Variants in MIS18BP1 observed in about 807,000 individuals in gnomAD.
MIS18BP1 encodes mis18-binding protein 1.
A neutral mutation model predicts 116.1 loss-of-function variants in MIS18BP1; 72 were observed. The observed-to-expected ratio is 0.62, with a 90% CI of 0.51 to 0.75. MIS18BP1 has a LOEUF of 0.75. Ranked by LOEUF, MIS18BP1 falls within the 30% of genes least tolerant of loss-of-function variation. The pLI is 0.00. For missense variants in MIS18BP1, 1,363 were observed against 1,303.2 expected, an observed-to-expected ratio of 1.05 and a Z score of -0.71; for synonymous variants, 386 against 427.0, an observed-to-expected ratio of 0.90 and a Z score of 1.18.
rs1306611632 is a variant in MIS18BP1, at chr14:45,235,952, A to G, written c.1218-8T>C. The stretch of plus-strand genomic sequence containing the variant: ...TATATGTTAGTGACGTCTCTAGGAA[A>G]AAAAAATAGTTTTGGTAAGGTCAAA... On this transcript the variant is annotated splice_polypyrimidine_tract_variant and splice_region_variant and intron_variant, in intron 5 of 16. Transcript: ENST00000310806. The G allele has an allele frequency of 6.3e-7, 1 of 1,592,172 alleles. No individual in the cohort carries two copies. Among genetic ancestry groups the G allele is most frequent in the African/African-American group, 1.4e-5 (1 of 73,548 alleles).
intron 14 of MIS18BP1, among the ~76,000 whole-genome samples, chr14:45,208,333 T>C (rs947014828): frequency 6.7e-6 from 1 of 148,250 alleles, no homozygotes; most frequent in East Asian, 1.9e-4. Flanking sequence ...TGAAGTTGTT[T>C]TTTTTTTTTT....
chr14:45,232,784 C>A lies in MIS18BP1; in HGVS notation c.1385G>T (p.Gly462Val). ...GTGCTCTTTCCAATTTTCTGGAAATCCAAACATAAATTTCCTTATGAGATA... is the reference window on the plus strand; with the variant it reads ...GTGCTCTTTCCAATTTTCTGGAAATACAAACATAAATTTCCTTATGAGATA... ...PNYLIRKFMFGFPENWKEHID... is the reference protein window; with the variant it reads ...PNYLIRKFMFVFPENWKEHID... Residue 462 changes from glycine (G) to valine (V), a missense_variant, in exon 7 of 17, where the codon GGA (glycine) becomes GTA (valine). Gly to Val is a moderately radical substitution (Grantham distance 109, BLOSUM62 -3). Transcript: ENST00000310806. The A allele has an allele frequency of 6.8e-7, 1 of 1,475,994 alleles. No individual in the cohort carries two copies. The highest frequency in any genetic ancestry group is 2.1e-5 in the Admixed American group (1 of 48,512). The allele number at this position is 1,475,994 out of a possible 1,614,324, so 91.4% of individuals were successfully genotyped here.
chr14:45,205,514 A>T (rs1292203477), intron 15 of MIS18BP1, among the ~76,000 whole-genome samples: 1 of 152,182 alleles, frequency 6.6e-6, no homozygotes, highest in South Asian at 2.1e-4. Flanking sequence ...ATTCAAGGGG[A>T]TAAAGGACTG....
chr14:45,215,155 G>A (rs553310223), intron 13 of MIS18BP1, among the ~76,000 whole-genome samples: 5 of 152,288 alleles, frequency 3.3e-5, no homozygotes, highest in African/African-American at 1.2e-4. Flanking sequence ...GGACCATAGC[G>A]TTTTGAAGAA....
chr14:45,211,043 T>C (rs1890660805), intron 13 of MIS18BP1, among the ~76,000 whole-genome samples: 1 of 152,210 alleles, frequency 6.6e-6, no homozygotes, highest in South Asian at 2.1e-4. Context: ...TTAAAACTTT[T>C]TTCTTTCTTT....
chr14:45,206,109 C>CAAT lies in MIS18BP1; in HGVS notation c.3211_3213dup (p.Ile1071dup). On this transcript the variant is annotated inframe_insertion, in exon 15 of 17. Coordinates refer to ENST00000310806, the MANE Select transcript of MIS18BP1 (RefSeq NM_018353.5). Reference sequence around the variant, plus strand: ...AATTTTTTCTTGATGTTGCCCCAGACAATACCACCATTACTTTTATGATAT... The same window carrying CAAT: ...AATTTTTTCTTGATGTTGCCCCAGACAATAATACCACCATTACTTTTATGATAT... The CAAT allele has an allele frequency of 4.4e-6, 7 of 1,608,256 alleles. No homozygotes were observed. Among genetic ancestry groups the CAAT allele is most frequent in the Non-Finnish European group, 6.0e-6 (7 of 1,175,430 alleles).
intron 1 of MIS18BP1, among the ~76,000 whole-genome samples, chr14:45,247,838 T>G (rs3916169): frequency 0.082 from 12,498 of 152,256 alleles, 675 homozygotes; most frequent in South Asian, 0.16. Flanking sequence ...ACAAGATCTA[T>G]TCTAATAAAA....
intron 6 of MIS18BP1, among the ~76,000 whole-genome samples, 180 bp from the exon 7 acceptor site, chr14:45,233,000 A>G (rs746314825): frequency 2.0e-5 from 3 of 152,210 alleles, no homozygotes; most frequent in Non-Finnish European, 4.4e-5. Context: ...TCCTCATGGA[A>G]CTTGGCTTCT....
At chr14:45,231,933 GA>G (rs551052570) in intron 7 of MIS18BP1, among the ~76,000 whole-genome samples, 13 of 149,172 alleles carry the variant, frequency 8.7e-5, no homozygotes, top group African/African-American at 2.5e-4. Context: ...GAAAATGAAT[GA>G]AAAAAAAAGG....
At chr14:45,238,833 A>G (rs1891496964) in intron 4 of MIS18BP1, among the ~76,000 whole-genome samples, 1 of 152,156 alleles carries the variant, frequency 6.6e-6, no homozygotes, top group Non-Finnish European at 1.5e-5. Context: ...ATAAAAAATT[A>G]TAAGTAGGAT....
chr14:45,223,459 C>T (rs1891028427), intron 11 of MIS18BP1, among the ~76,000 whole-genome samples: 1 of 152,292 alleles, frequency 6.6e-6, no homozygotes, highest in Non-Finnish European at 1.5e-5. Context: ...CGCCTGTAGT[C>T]CCAGCTACTC....
intron 8 of MIS18BP1, among the ~76,000 whole-genome samples, chr14:45,228,766 T>G (rs1330724005): frequency 6.6e-6 from 1 of 152,230 alleles, no homozygotes; most frequent in Non-Finnish European, 1.5e-5. Flanking sequence ...AGGTCATTTA[T>G]CATATACTCT....
Position 45,218,384 on chromosome 14 carries a change from A to G in MIS18BP1, c.2740T>C (p.Ser914Pro). The G allele has an allele frequency of 6.2e-7, 1 of 1,613,954 alleles. No individual in the cohort carries two copies. The highest frequency in any genetic ancestry group is 8.5e-7 in the Non-Finnish European group (1 of 1,179,970). Reference sequence around the variant, plus strand: ...TATTTCCTCTGGCATTCTTCAGGAGATCGAGAACCTACAGCCGCAGCTACC... The same window carrying G: ...TATTTCCTCTGGCATTCTTCAGGAGGTCGAGAACCTACAGCCGCAGCTACC... Reference protein sequence around the residue: ...SEVAAAVGSRSPEECQRKYME... With the variant: ...SEVAAAVGSRPPEECQRKYME... Residue 914 changes from serine to proline, a missense_variant, in exon 12 of 17, where the codon TCT becomes CCT. By Grantham distance (74) the Ser-to-Pro change is moderately conservative. Coordinates refer to ENST00000310806, the MANE Select transcript of MIS18BP1 (RefSeq NM_018353.5).
At chr14:45,227,005 G>A (rs371579348) in intron 9 of MIS18BP1, among the ~76,000 whole-genome samples, 169 bp from the exon 10 acceptor site, 1 of 152,110 alleles carries the variant, frequency 6.6e-6, no homozygotes, top group African/African-American at 2.4e-5. Context: ...TGAGCACTAC[G>A]AGCAACATCT....
At chr14:45,237,018 T>C (rs1266252741) in intron 5 of MIS18BP1, among the ~76,000 whole-genome samples, 1 of 151,614 alleles carries the variant, frequency 6.6e-6, no homozygotes, top group Non-Finnish European at 1.5e-5. Context: ...ATAACTTTTT[T>C]TTTTTTTTTT....
In MIS18BP1 at chr14:45,247,167, A is replaced by ATT; in HGVS notation, c.119_120insAA (p.Pro41IlefsTer3). 6.2e-7 allele frequency: 1 copy of ATT among 1,613,054 alleles called. No individual in the cohort carries two copies. Among genetic ancestry groups the ATT allele is most frequent in the Non-Finnish European group, 8.5e-7 (1 of 1,179,966 alleles). On this transcript the variant is annotated frameshift_variant, in exon 2 of 17. Transcript: ENST00000310806. LOFTEE classifies it high-confidence loss of function. The stretch of plus-strand genomic sequence containing the variant: ...GATATTTCACCAAATCTTTTACAGG[A>ATT]GTAAGTGTGCCTGAAGGAATGCTGT...
intron 1 of MIS18BP1, among the ~76,000 whole-genome samples, chr14:45,252,444 A>C (rs528284220): frequency 6.6e-6 from 1 of 152,290 alleles, no homozygotes; most frequent in African/African-American, 2.4e-5. Context: ...ATAGAGAAAA[A>C]CTCTGGAAGC....
At chr14:45,250,421 A>T (rs1891836857) in intron 1 of MIS18BP1, among the ~76,000 whole-genome samples, 2 of 152,228 alleles carry the variant, frequency 1.3e-5, no homozygotes, top group South Asian at 4.1e-4. Flanking sequence ...CTAAACAAAG[A>T]AATCAGCCTC....
intron 4 of MIS18BP1, among the ~76,000 whole-genome samples, chr14:45,240,467 C>T (rs762264053): frequency 2.6e-5 from 4 of 151,886 alleles, no homozygotes; most frequent in South Asian, 2.1e-4. Context: ...CCTACCTACA[C>T]GCACTCTCTA....
Sources: gnomAD v4.1 joint callset for allele counts (sites outside exome capture counted in the v4.1 genomes callset) on GRCh38, gnomAD v4.1.1 for gene constraint, MANE v1.5 for transcripts, NCBI Gene and HGNC (gene_info 2026-07-23, HGNC 2026-07-21) for gene names.